The following SMYD3 variants were observed in gnomAD, a reference collection of about 807,000 sequenced individuals.
SMYD3 encodes SET and MYND domain containing 3, also known as histone-lysine N-methyltransferase SMYD3.
Under a neutral mutation model 57.7 loss-of-function variants are expected in SMYD3, and 36 were observed. That is an observed-to-expected ratio of 0.62 (90% CI 0.48 to 0.82). SMYD3 has a LOEUF of 0.82. SMYD3 is among the 40% of genes least tolerant of loss of function. The pLI, the probability that SMYD3 is intolerant of heterozygous loss-of-function variation, is 0.00. For missense variants in SMYD3, 515 were observed against 538.8 expected (o/e 0.96, Z 0.44); for synonymous variants, 211 against 195.0 (o/e 1.08, Z -0.68).
intron 5 of SMYD3, among the ~76,000 whole-genome samples, chr1:245,973,802 T>C (rs1323790527): frequency 1.3e-5 from 2 of 152,196 alleles, no homozygotes; most frequent in Non-Finnish European, 2.9e-5. Flanking sequence ...ATATGAGTAC[T>C]TTTTTGGGGG....
intron 8 of SMYD3, among the ~76,000 whole-genome samples, chr1:245,889,587 A>C (rs10754482): frequency 5.9e-5 from 9 of 152,240 alleles, no homozygotes; most frequent in African/African-American, 1.9e-4. Flanking sequence ...CTCTGTCCCA[A>C]GGCATTTTAT....
At chr1:246,047,736 G>A (rs1228473541) in intron 5 of SMYD3, among the ~76,000 whole-genome samples, 1 of 152,036 alleles carries the variant, frequency 6.6e-6, no homozygotes, top group Non-Finnish European at 1.5e-5. Context: ...CTACTCAGAA[G>A]GCTGAGACAG....
chr1:246,184,894 G>T (rs988346932), intron 5 of SMYD3, among the ~76,000 whole-genome samples: 1 of 152,158 alleles, frequency 6.6e-6, no homozygotes, highest in Non-Finnish European at 1.5e-5. Flanking sequence ...CCAGTCTGTG[G>T]AGTTTTGTTA....
At chr1:245,884,856 A>G (rs147814356) in intron 8 of SMYD3, among the ~76,000 whole-genome samples, 480 of 81,036 alleles carry the variant, frequency 5.9e-3, no homozygotes, top group African/African-American at 0.027. Context: ...AATCAGCAGG[A>G]TGTGGGCAGG....
intron 5 of SMYD3, among the ~76,000 whole-genome samples, chr1:246,076,463 A>C (rs1416090): frequency 0.4 from 60,367 of 151,974 alleles, 15,074 homozygotes; most frequent in African/African-American, 0.69. Context: ...AAGACAGAAT[A>C]AAATTTTGTT....
rs549150049 is a variant in SMYD3, at chr1:246,168,183, T to C, written c.531+159018A>G. 3.9e-5 allele frequency among the ~76,000 whole-genome samples: 6 copies of C among 152,144 alleles called. No individual in the cohort carries two copies. In the South Asian group the frequency reaches 1.0e-3, roughly 26 times the overall value. On this transcript the variant is annotated intron_variant, in intron 5 of 11. Transcript: ENST00000490107. ...AGTAAATATTAAATAATCAATGTAA[T>C]ATACATATCATGGCATGTGACACAT...
At chr1:245,778,959 A>C (rs2046720833) in intron 10 of SMYD3, among the ~76,000 whole-genome samples, 2 of 152,298 alleles carry the variant, frequency 1.3e-5, no homozygotes, top group Middle Eastern at 3.4e-3. Flanking sequence ...CAGGAGTTCG[A>C]GACCAGCCTG....
chr1:246,217,502 C>A (rs2063183555), intron 5 of SMYD3, among the ~76,000 whole-genome samples: 1 of 151,994 alleles, frequency 6.6e-6, no homozygotes. Flanking sequence ...GACCAAGACC[C>A]TGTCTCAAAA....
intron 8 of SMYD3, among the ~76,000 whole-genome samples, chr1:245,889,879 A>G (rs905420174): frequency 1.3e-5 from 2 of 152,216 alleles, no homozygotes; most frequent in Non-Finnish European, 2.9e-5. Context: ...TGGTACTGGC[A>G]TAAAAACAGA....
intron 5 of SMYD3, among the ~76,000 whole-genome samples, chr1:245,977,326 C>A (rs902961393): frequency 6.6e-6 from 1 of 152,234 alleles, no homozygotes; most frequent in Non-Finnish European, 1.5e-5. Context: ...TCTAGCCTTG[C>A]TCCCTCATGG....
intron 5 of SMYD3, among the ~76,000 whole-genome samples, chr1:246,259,948 A>G (rs753793013): frequency 3.9e-5 from 6 of 152,208 alleles, no homozygotes; most frequent in Non-Finnish European, 8.8e-5. Flanking sequence ...AATCCAGAAG[A>G]GCTCTGCCTA....
chr1:246,234,216 G>A (rs370974732), intron 5 of SMYD3, among the ~76,000 whole-genome samples: 95 of 109,232 alleles, frequency 8.7e-4, no homozygotes, highest in Non-Finnish European at 1.2e-3. Context: ...GAGGAGAAGC[G>A]CTCCTTCAAT....
chr1:246,190,256 A>G (rs1172968775), intron 5 of SMYD3, among the ~76,000 whole-genome samples: 1 of 152,124 alleles, frequency 6.6e-6, no homozygotes, highest in African/African-American at 2.4e-5. Flanking sequence ...CCACACACAG[A>G]CCGTAGCGTA....
intron 5 of SMYD3, among the ~76,000 whole-genome samples, chr1:246,038,866 G>C (rs1206200966): frequency 1.3e-5 from 2 of 152,142 alleles, no homozygotes; most frequent in African/African-American, 4.8e-5. Context: ...TATCTTTGTG[G>C]AAATTTTGTA....
chr1:246,405,909 C>CAAAA (rs372884120), intron 1 of SMYD3, among the ~76,000 whole-genome samples: 1 of 87,414 alleles, frequency 1.1e-5, no homozygotes, highest in Non-Finnish European at 2.2e-5. Context: ...GACTCTGTCT[C>CAAAA]AAAAAAAAAA....
In SMYD3 at chr1:246,071,331, G is replaced by A. The variant is rs368727331; in HGVS notation, c.532-141394C>T. 9.9e-5 allele frequency among the ~76,000 whole-genome samples: 15 copies of A among 152,266 alleles called. 1 individual carries two copies. In the East Asian group the frequency reaches 1.9e-3, roughly 20 times the overall value. ...GTGGCTACTTCTAGGAAGGAGGGTAGGACGGTGGGAGAAAACAGGGATTAA... is the reference window on the plus strand; with the variant it reads ...GTGGCTACTTCTAGGAAGGAGGGTAAGACGGTGGGAGAAAACAGGGATTAA... On this transcript the variant is annotated intron_variant, in intron 5 of 11. Transcript: ENST00000490107.
intron 2 of SMYD3, among the ~76,000 whole-genome samples, chr1:246,345,239 T>C (rs1039664595): frequency 6.6e-6 from 1 of 152,356 alleles, no homozygotes; most frequent in East Asian, 1.9e-4. Context: ...TCTTATTAAA[T>C]CTAGTGAAGA....
intron 5 of SMYD3, among the ~76,000 whole-genome samples, chr1:246,145,973 T>C (rs1192083734): frequency 6.6e-6 from 1 of 152,230 alleles, no homozygotes; most frequent in Non-Finnish European, 1.5e-5. Context: ...TCAACCCTAA[T>C]GCTTTTAAAG....
intron 1 of SMYD3, among the ~76,000 whole-genome samples, chr1:246,415,504 T>C (rs1266381421): frequency 6.6e-6 from 1 of 152,174 alleles, no homozygotes; most frequent in Non-Finnish European, 1.5e-5. Flanking sequence ...AGGTAAATAG[T>C]CCCAGGTCAT....
Sources: allele counts gnomAD v4.1 joint callset (sites outside exome capture counted in the v4.1 genomes callset), GRCh38; gene constraint gnomAD v4.1.1; transcripts MANE v1.5; gene names NCBI Gene and HGNC (gene_info 2026-07-23, HGNC 2026-07-21).